Variants in MAN1A1 observed in about 807,000 individuals in gnomAD.
MAN1A1 encodes the protein mannosyl-oligosaccharide 1,2-alpha-mannosidase IA.
A neutral mutation model predicts 70.8 loss-of-function variants in MAN1A1; 29 were observed. The ratio of observed to expected loss-of-function variants is 0.41; its 90% CI spans 0.31 to 0.56. MAN1A1 has a LOEUF of 0.56. Among genes scored for constraint, MAN1A1 ranks in the 20% least tolerant of loss-of-function variants. The pLI, the probability that MAN1A1 is intolerant of heterozygous loss-of-function variation, is 0.29. For synonymous variants in MAN1A1, 349 were observed against 330.1 expected (o/e 1.06, Z -0.62); for missense variants, 747 against 841.3 (o/e 0.89, Z 1.39).
chr6:119,256,251 T>C (rs1775455055), intron 5 of MAN1A1, among the ~76,000 whole-genome samples: 1 of 152,182 alleles, frequency 6.6e-6, no homozygotes, highest in Non-Finnish European at 1.5e-5. Context: ...AAAATCTAAA[T>C]GTAGAATGTT....
At chr6:119,191,052 T>C (rs531917452) in intron 9 of MAN1A1, among the ~76,000 whole-genome samples, 1 of 152,182 alleles carries the variant, frequency 6.6e-6, no homozygotes, top group Non-Finnish European at 1.5e-5. Context: ...CACAGGAAGC[T>C]AAAACCTTTC....
chr6:119,294,473 A>C (rs768675264), intron 4 of MAN1A1, among the ~76,000 whole-genome samples: 2 of 152,016 alleles, frequency 1.3e-5, no homozygotes, highest in South Asian at 4.1e-4. Flanking sequence ...CAGTCTACCT[A>C]TCTGAGTTTG....
chr6:119,237,118 A>G (rs1248186786), intron 6 of MAN1A1, among the ~76,000 whole-genome samples: 3 of 152,174 alleles, frequency 2.0e-5, no homozygotes, highest in African/African-American at 7.2e-5. Context: ...CTTCTTATGG[A>G]GGAGTAAAGA....
intron 5 of MAN1A1, among the ~76,000 whole-genome samples, chr6:119,281,096 G>C (rs1160690032): frequency 6.6e-6 from 1 of 152,178 alleles, no homozygotes; most frequent in Non-Finnish European, 1.5e-5. Flanking sequence ...AGAGTAGAAG[G>C]TATTTTCAGG....
At chr6:119,194,238 A>G (rs1773509757) in intron 8 of MAN1A1, among the ~76,000 whole-genome samples, 1 of 152,218 alleles carries the variant, frequency 6.6e-6, no homozygotes, top group Admixed American at 6.5e-5. Flanking sequence ...TTAGTTCTGA[A>G]TAATATAAAA....
intron 2 of MAN1A1, among the ~76,000 whole-genome samples, chr6:119,316,270 C>T (rs367733977): frequency 5.9e-5 from 9 of 151,716 alleles, no homozygotes; most frequent in Non-Finnish European, 1.0e-4. Context: ...CTCCACCTCC[C>T]GCGTTCAAGC....
intron 4 of MAN1A1, among the ~76,000 whole-genome samples, chr6:119,291,246 G>A (rs1024088707): frequency 2.6e-5 from 4 of 151,928 alleles, no homozygotes; most frequent in Non-Finnish European, 5.9e-5. Flanking sequence ...TTTGCCTGTT[G>A]CCATCCATGT....
chr6:119,298,333 T>C (rs1772278331), intron 4 of MAN1A1, among the ~76,000 whole-genome samples: 1 of 152,220 alleles, frequency 6.6e-6, no homozygotes, highest in Non-Finnish European at 1.5e-5. Context: ...ATTTGAACTT[T>C]GTGCTACCAA....
intron 6 of MAN1A1, among the ~76,000 whole-genome samples, chr6:119,241,944 ATGTATGTG>A (rs1373121721): frequency 2.1e-5 from 3 of 146,070 alleles, no homozygotes; most frequent in African/African-American, 8.0e-5. Flanking sequence ...GTGTGTGTGT[ATGTATGTG>A]TGTGTGTGTG....
At chr6:119,311,539 G>A (rs896797647) in intron 2 of MAN1A1, among the ~76,000 whole-genome samples, 1 of 152,120 alleles carries the variant, frequency 6.6e-6, no homozygotes, top group African/African-American at 2.4e-5. Context: ...GGGTTTGTTC[G>A]AGGGATTTGA....
At chr6:119,238,500 T>C (rs987830588) in intron 6 of MAN1A1, among the ~76,000 whole-genome samples, 5 of 152,194 alleles carry the variant, frequency 3.3e-5, no homozygotes, top group African/African-American at 1.2e-4. Flanking sequence ...TTTGGGGGGT[T>C]AGAATAGATT....
chr6:119,256,948 C>A (rs1463662512), intron 5 of MAN1A1, among the ~76,000 whole-genome samples: 1 of 152,090 alleles, frequency 6.6e-6, no homozygotes, highest in East Asian at 1.9e-4. Context: ...CATATAAAAC[C>A]ATATAAGCAT....
chr6:119,224,444 A>T (rs1167088647), intron 6 of MAN1A1, among the ~76,000 whole-genome samples: 2 of 152,202 alleles, frequency 1.3e-5, no homozygotes, highest in Non-Finnish European at 2.9e-5. Context: ...CCAGGTTAAA[A>T]ACCAACAGCT....
intron 4 of MAN1A1, among the ~76,000 whole-genome samples, chr6:119,300,645 C>T (rs1199921083): frequency 1.3e-5 from 2 of 152,164 alleles, no homozygotes; most frequent in East Asian, 1.9e-4. Context: ...TCAATATCAG[C>T]ACTACCACAG....
At chr6:119,198,848 C>G (rs568435947) in intron 8 of MAN1A1, among the ~76,000 whole-genome samples, 1 of 152,196 alleles carries the variant, frequency 6.6e-6, no homozygotes, top group Non-Finnish European at 1.5e-5. Context: ...GATATTTTAA[C>G]AGGCTTTTCA....
chr6:119,180,466 G>T, intron 11 of MAN1A1, 39 bp from the exon 12 acceptor site: 2 of 1,051,616 alleles, frequency 1.9e-6, no homozygotes, highest in East Asian at 2.4e-5. Context: ...TCACATTTCA[G>T]TAAACTGATT....
At position 119,257,918 on chromosome 6, in the gene MAN1A1, T is replaced by C. The variant is rs2114345720; in HGVS notation, c.898-9564A>G. On this transcript the variant is annotated intron_variant, in intron 5 of 12. Coordinates refer to ENST00000368468, the MANE Select transcript of MAN1A1 (RefSeq NM_005907.4). The stretch of plus-strand genomic sequence containing the variant: ...CTATCTCAATTTTAGGTTTAAAAAA[T>C]GGGCAAATCGCCAACATGACATTTA... 2.0e-5 allele frequency among the ~76,000 whole-genome samples: 3 copies of C among 152,300 alleles called. 1 individual carries two copies. Among genetic ancestry groups the C allele is most frequent in the Middle Eastern group, 6.8e-3 (2 of 294 alleles).
intron 2 of MAN1A1, chr6:119,332,104 G>A: frequency 2.7e-6 from 1 of 366,282 alleles, no homozygotes; most frequent in East Asian, 8.7e-5. Flanking sequence ...TACATAAAGT[G>A]GTGAGCATAG....
chr6:119,285,593 T>C (rs748014457), intron 5 of MAN1A1, among the ~76,000 whole-genome samples: 1 of 149,620 alleles, frequency 6.7e-6, no homozygotes, highest in African/African-American at 2.5e-5. Flanking sequence ...GGTATTGTGA[T>C]CACTGTTTTC....
Sources: allele counts gnomAD v4.1 joint callset (sites outside exome capture counted in the v4.1 genomes callset), GRCh38; gene constraint gnomAD v4.1.1; transcripts MANE v1.5; gene names NCBI Gene and HGNC (gene_info 2026-07-23, HGNC 2026-07-21).